The following RAB27B variants were observed in gnomAD, a reference collection of about 807,000 sequenced individuals.
RAB27B encodes ras-related protein Rab-27B.
Under a neutral mutation model 24.6 loss-of-function variants are expected in RAB27B, and 15 were observed. The ratio of observed to expected loss-of-function variants is 0.61; its 90% CI spans 0.41 to 0.94. RAB27B has a LOEUF of 0.94. Ranked by LOEUF, RAB27B falls within the 40% of genes least tolerant of loss-of-function variation. The pLI, the probability that RAB27B is intolerant of heterozygous loss-of-function variation, is 0.00. For synonymous variants in RAB27B, 105 were observed against 92.5 expected (o/e 1.14, Z -0.78); for missense variants, 261 against 266.8 (o/e 0.98, Z 0.15).
intron 2 of RAB27B, among the ~76,000 whole-genome samples, chr18:54,722,027 A>G (rs1164324208): frequency 6.6e-6 from 1 of 152,196 alleles, no homozygotes; most frequent in Non-Finnish European, 1.5e-5. Context: ...ATAAAACGTT[A>G]TAGAATTTTG....
chr18:54,870,597 C>G (rs924721901), intron 1 of RAB27B, among the ~76,000 whole-genome samples: 2 of 152,082 alleles, frequency 1.3e-5, no homozygotes, highest in Non-Finnish European at 2.9e-5. Context: ...GATTGTACAT[C>G]TAGAAAATTC....
chr18:54,876,751 G>A (rs1017102499), intron 1 of RAB27B, among the ~76,000 whole-genome samples: 3 of 152,036 alleles, frequency 2.0e-5, no homozygotes, highest in Non-Finnish European at 2.9e-5. Flanking sequence ...CATCCTGCAT[G>A]GATAGATGCA....
At chr18:54,881,085 G>C (rs950338058) in intron 3 of RAB27B, among the ~76,000 whole-genome samples, 4 of 152,134 alleles carry the variant, frequency 2.6e-5, no homozygotes, top group South Asian at 2.1e-4. Flanking sequence ...TTCCCAGTGA[G>C]GGGGAGGAGT....
rs1423053262 is a variant in RAB27B, at chr18:54,755,109, G to T, written c.-20+36968G>T. The stretch of plus-strand genomic sequence containing the variant: ...TGCATTTTTAAACATGTCACTTAAG[G>T]CTGGGCACAGTGGTTCACACCTGTA... On this transcript the variant is annotated intron_variant, in intron 2 of 4. Coordinates refer to the RAB27B transcript ENST00000586570. 5.3e-5 allele frequency among the ~76,000 whole-genome samples: 8 copies of T among 152,126 alleles called. No individual in the cohort carries two copies. In the East Asian group the frequency reaches 1.5e-3, roughly 29 times the overall value.
intron 1 of RAB27B, among the ~76,000 whole-genome samples, chr18:54,861,104 C>T (rs967482435): frequency 2.1e-4 from 32 of 152,242 alleles, no homozygotes; most frequent in South Asian, 6.2e-4. Flanking sequence ...CTCAGGGAGG[C>T]AGAACTTGTG....
At chr18:54,729,655 C>A (rs1256439071) in intron 2 of RAB27B, among the ~76,000 whole-genome samples, 1 of 151,984 alleles carries the variant, frequency 6.6e-6, no homozygotes, top group Non-Finnish European at 1.5e-5. Flanking sequence ...ATTTTTAAAG[C>A]CTGATTAACC....
At chr18:54,772,546 G>A (rs1031850853) in intron 2 of RAB27B, among the ~76,000 whole-genome samples, 3 of 152,088 alleles carry the variant, frequency 2.0e-5, no homozygotes, top group Non-Finnish European at 2.9e-5. Context: ...CGTTTTAATC[G>A]TTATATGCAG....
chr18:54,858,878 A>G (rs1911896693), intron 1 of RAB27B, among the ~76,000 whole-genome samples: 1 of 152,228 alleles, frequency 6.6e-6, no homozygotes, highest in African/African-American at 2.4e-5. Flanking sequence ...TGGACCGTCA[A>G]TAAACTGGAA....
At chr18:54,826,381 G>A (rs1910475796), upstream of RAB27B, among the ~76,000 whole-genome samples, 1 of 152,126 alleles carries the variant, frequency 6.6e-6, no homozygotes, top group African/African-American at 2.4e-5. Context: ...TGGCCTTCAT[G>A]GAGTGGCCAA....
intron 2 of RAB27B, among the ~76,000 whole-genome samples, chr18:54,773,799 C>T (rs539158599): frequency 7.9e-5 from 12 of 152,036 alleles, no homozygotes; most frequent in African/African-American, 2.4e-4. Context: ...CTCAGCCTCC[C>T]GAGTAGCTGG....
At chr18:54,775,764 A>T (rs915982237) in intron 2 of RAB27B, among the ~76,000 whole-genome samples, 3 of 152,122 alleles carry the variant, frequency 2.0e-5, no homozygotes, top group Non-Finnish European at 2.9e-5. Flanking sequence ...AATGCTCATG[A>T]AACTCCCCTC....
At chr18:54,856,770 G>C (rs1446640891) in intron 1 of RAB27B, among the ~76,000 whole-genome samples, 1 of 152,178 alleles carries the variant, frequency 6.6e-6, no homozygotes, top group Non-Finnish European at 1.5e-5. Context: ...TAAACTCTGT[G>C]CCCAATGCAT....
intron 1 of RAB27B, among the ~76,000 whole-genome samples, chr18:54,842,185 G>A (rs1378921763): frequency 6.6e-6 from 1 of 152,202 alleles, no homozygotes; most frequent in South Asian, 2.1e-4. Flanking sequence ...ATAATTTCAA[G>A]TCAGAGAAAT....
At chr18:54,836,705 T>C (rs879733809) in intron 1 of RAB27B, among the ~76,000 whole-genome samples, 8 of 152,034 alleles carry the variant, frequency 5.3e-5, no homozygotes, top group Admixed American at 1.3e-4. Context: ...TAAAAGTGTG[T>C]AGACATTAAA....
intron 2 of RAB27B, among the ~76,000 whole-genome samples, chr18:54,718,960 A>G (rs1909276291): frequency 6.6e-6 from 1 of 152,210 alleles, no homozygotes; most frequent in African/African-American, 2.4e-5. Flanking sequence ...AAATTTGTAT[A>G]CATTATGCCA....
intron 1 of RAB27B, among the ~76,000 whole-genome samples, chr18:54,856,620 G>T (rs977466992): frequency 2.6e-5 from 4 of 152,194 alleles, no homozygotes; most frequent in African/African-American, 9.7e-5. Flanking sequence ...GAGTGAAAGT[G>T]GGTGCCACTA....
chr18:54,873,851 T>C (rs1912583052), intron 1 of RAB27B, among the ~76,000 whole-genome samples: 1 of 152,140 alleles, frequency 6.6e-6, no homozygotes, highest in Non-Finnish European at 1.5e-5. Context: ...ATACCTAGCT[T>C]AATATGTCAA....
intron 2 of RAB27B, among the ~76,000 whole-genome samples, chr18:54,800,357 T>C (rs1455835051): frequency 6.6e-6 from 1 of 152,258 alleles, no homozygotes; most frequent in East Asian, 1.9e-4. Context: ...GACTTGTTCA[T>C]GAAAGAACGC....
At chr18:54,841,070 C>T (rs1911088525) in intron 1 of RAB27B, among the ~76,000 whole-genome samples, 2 of 148,660 alleles carry the variant, frequency 1.3e-5, no homozygotes, top group Admixed American at 6.9e-5. Context: ...TGCTTGAACC[C>T]GGGAGGCAGA....
Sources: allele counts gnomAD v4.1 joint callset (sites outside exome capture counted in the v4.1 genomes callset), GRCh38; gene constraint gnomAD v4.1.1; transcripts MANE v1.5; gene names NCBI Gene and HGNC (gene_info 2026-07-23, HGNC 2026-07-21).